The following MAGI1 variants were observed in gnomAD, a reference collection of about 807,000 sequenced individuals.
MAGI1 encodes the protein membrane associated guanylate kinase, WW and PDZ domain containing 1, also known as membrane-associated guanylate kinase, WW and PDZ domain-containing protein 1.
MAGI1 carries 58 observed loss-of-function variants against 139.9 expected under a neutral mutation model. The ratio of observed to expected loss-of-function variants is 0.41; its 90% CI spans 0.34 to 0.52. The LOEUF is 0.52. MAGI1 is among the 20% of genes least tolerant of loss of function. MAGI1 has a pLI of 0.12. For missense variants in MAGI1, 1,874 were observed against 1,901.6 expected (o/e 0.99, Z 0.27); for synonymous variants, 812 against 737.9 (o/e 1.10, Z -1.63).
chr3:65,990,004 C>T (rs1282847069), intron 1 of MAGI1, among the ~76,000 whole-genome samples: 1 of 151,952 alleles, frequency 6.6e-6, no homozygotes, highest in Non-Finnish European at 1.5e-5. Flanking sequence ...TCAGGTGGTA[C>T]ACAGATATGA....
chr3:65,606,316 T>TACTTTC (rs1302953122), intron 2 of MAGI1, among the ~76,000 whole-genome samples: 10 of 152,250 alleles, frequency 6.6e-5, no homozygotes, highest in Admixed American at 2.0e-4. Context: ...ATTTTACTTT[T>TACTTTC]ACTTTCTTTA....
chr3:65,639,698 T>A (rs549926335), intron 1 of MAGI1, among the ~76,000 whole-genome samples: 1 of 152,170 alleles, frequency 6.6e-6, no homozygotes, highest in Admixed American at 6.5e-5. Context: ...CTGTCCTTCC[T>A]CCAAATAAAA....
At chr3:66,014,814 C>T (rs557471849) in intron 1 of MAGI1, among the ~76,000 whole-genome samples, 2 of 152,328 alleles carry the variant, frequency 1.3e-5, no homozygotes, top group East Asian at 1.9e-4. Flanking sequence ...TTAAGACACT[C>T]TGGGTCCATG....
At chr3:65,590,377 G>A (rs931320965) in intron 2 of MAGI1, among the ~76,000 whole-genome samples, 2 of 151,874 alleles carry the variant, frequency 1.3e-5, no homozygotes, top group African/African-American at 2.4e-5. Context: ...TTGATTAATC[G>A]GTAAAAAAAT....
At chr3:65,766,179 ATCT>A (rs1455604013) in intron 1 of MAGI1, among the ~76,000 whole-genome samples, 1 of 152,224 alleles carries the variant, frequency 6.6e-6, no homozygotes, top group African/African-American at 2.4e-5. Flanking sequence ...CAACAAACTA[ATCT>A]TCAAAAAAAC....
At chr3:65,515,265 T>C (rs1413862553) in intron 2 of MAGI1, among the ~76,000 whole-genome samples, 2 of 91,752 alleles carry the variant, frequency 2.2e-5, no homozygotes, top group Non-Finnish European at 5.1e-5. Flanking sequence ...CATATGTAAC[T>C]AACCTGCACA....
chr3:65,782,715 A>G (rs2039037647), intron 1 of MAGI1, among the ~76,000 whole-genome samples: 1 of 151,230 alleles, frequency 6.6e-6, no homozygotes, highest in South Asian at 2.1e-4. Flanking sequence ...CTGTTTAGTC[A>G]AGTTGATTTG....
At chr3:65,932,266 C>A (rs897171975) in intron 1 of MAGI1, among the ~76,000 whole-genome samples, 1 of 152,120 alleles carries the variant, frequency 6.6e-6, no homozygotes, top group African/African-American at 2.4e-5. Flanking sequence ...GGATTATGTT[C>A]TTTTCAAATT....
intron 1 of MAGI1, among the ~76,000 whole-genome samples, chr3:65,849,290 GC>G (rs2059122415): frequency 6.6e-6 from 1 of 151,250 alleles, no homozygotes; most frequent in Non-Finnish European, 1.5e-5. Flanking sequence ...CTCCCAAAGT[GC>G]TAGGATTACA....
At chr3:65,439,788 G>C (rs982441384) in intron 9 of MAGI1, 91 bp downstream of exon 9, 4 of 1,584,360 alleles carry the variant, frequency 2.5e-6, no homozygotes, top group Non-Finnish European at 3.4e-6. Context: ...CTCAATCATC[G>C]AGGCCAGTTC....
intron 2 of MAGI1, among the ~76,000 whole-genome samples, chr3:65,503,211 A>C (rs1274590334): frequency 6.6e-6 from 1 of 152,224 alleles, no homozygotes; most frequent in African/African-American, 2.4e-5. Context: ...AAAGCAGCTA[A>C]AAGAGACTTG....
chr3:65,938,210 TTTAAG>T (rs2063152108), intron 1 of MAGI1, among the ~76,000 whole-genome samples: 1 of 151,476 alleles, frequency 6.6e-6, no homozygotes, highest in African/African-American at 2.4e-5. Flanking sequence ...TTTCTTTCCA[TTTAAG>T]TTAACTAAAA....
At chr3:65,584,550 G>C (rs2081585635) in intron 2 of MAGI1, among the ~76,000 whole-genome samples, 1 of 152,114 alleles carries the variant, frequency 6.6e-6, no homozygotes, top group South Asian at 2.1e-4. Flanking sequence ...ACAAGACACA[G>C]GTCACAGCTC....
At chr3:65,604,142 G>T (rs1011573986) in intron 2 of MAGI1, among the ~76,000 whole-genome samples, 2 of 151,210 alleles carry the variant, frequency 1.3e-5, no homozygotes, top group African/African-American at 2.4e-5. Context: ...CAGGGGAAAA[G>T]AAAACTACGG....
At chr3:65,999,065 TA>T (rs575026124) in intron 1 of MAGI1, among the ~76,000 whole-genome samples, 5 of 151,424 alleles carry the variant, frequency 3.3e-5, no homozygotes, top group Non-Finnish European at 7.4e-5. Context: ...ATCCCTTTTT[TA>T]AAAAAAAAAT....
intron 10 of MAGI1, among the ~76,000 whole-genome samples, chr3:65,432,644 C>T (rs552248377): frequency 1.2e-4 from 19 of 152,162 alleles, no homozygotes; most frequent in Non-Finnish European, 2.5e-4. Context: ...ATTCGCCACG[C>T]AAAGTCATCT....
chr3:65,452,110 AACAAAGCAACCAAG>A (rs1452032344), intron 6 of MAGI1, among the ~76,000 whole-genome samples: 1 of 92 alleles, frequency 0.011, no homozygotes, highest in African/African-American at 0.038. Flanking sequence ...TCAGGAATCA[AACAAAGCAACCAAG>A]ATAAAACAAA....
intron 1 of MAGI1, among the ~76,000 whole-genome samples, chr3:65,701,597 T>G (rs1210254966): frequency 1.3e-5 from 2 of 152,110 alleles, no homozygotes; most frequent in Non-Finnish European, 2.9e-5. Context: ...TTTTTTTTCC[T>G]GTCACACACA....
At chr3:65,565,059 T>C (rs2080547519) in intron 2 of MAGI1, among the ~76,000 whole-genome samples, 1 of 152,124 alleles carries the variant, frequency 6.6e-6, no homozygotes. Context: ...ATAACACGAA[T>C]AGGCTCCAAA....
Sources: gnomAD v4.1 joint callset for allele counts (sites outside exome capture counted in the v4.1 genomes callset) on GRCh38, gnomAD v4.1.1 for gene constraint, MANE v1.5 for transcripts, NCBI Gene and HGNC (gene_info 2026-07-23, HGNC 2026-07-21) for gene names.